MTUS2: variants seen among roughly 807,000 people sequenced by gnomAD.
MTUS2 encodes the protein microtubule associated scaffold protein 2.
Under a neutral mutation model 114.1 loss-of-function variants are expected in MTUS2, and 40 were observed. The ratio of observed to expected loss-of-function variants is 0.35; its 90% CI spans 0.27 to 0.46. MTUS2 has a LOEUF of 0.46. Ranked by LOEUF, MTUS2 falls within the 20% of genes least tolerant of loss-of-function variation. The probability of loss-of-function intolerance (pLI) is 1.00; values close to 1 mark genes in which losing one functional copy is unlikely to be tolerated. For missense variants in MTUS2, 1,679 were observed against 1,705.4 expected (o/e 0.98, Z 0.27); for synonymous variants, 688 against 672.0 (o/e 1.02, Z -0.37).
At chr13:29,246,743 A>G (rs576033803) in intron 5 of MTUS2, among the ~76,000 whole-genome samples, 1 of 152,344 alleles carries the variant, frequency 6.6e-6, no homozygotes, top group Admixed American at 6.5e-5. Context: ...GATGCTGTCA[A>G]AAGAAATAAC....
intron 9 of MTUS2, among the ~76,000 whole-genome samples, chr13:29,441,317 T>C (rs1365134717): frequency 6.6e-6 from 1 of 152,152 alleles, no homozygotes; most frequent in Non-Finnish European, 1.5e-5. Context: ...ATATGTGACC[T>C]GGCTGGAAAG....
At chr13:28,966,245 T>C (rs1883577286) in intron 2 of MTUS2, among the ~76,000 whole-genome samples, 1 of 152,050 alleles carries the variant, frequency 6.6e-6, no homozygotes, top group South Asian at 2.1e-4. Context: ...GCAAAAAAAA[T>C]GATTAATTCC....
At chr13:29,221,186 C>T (rs1485774351) in intron 5 of MTUS2, among the ~76,000 whole-genome samples, 2 of 152,132 alleles carry the variant, frequency 1.3e-5, no homozygotes, top group East Asian at 3.9e-4. Flanking sequence ...TGAGAAAATC[C>T]CTCAAAACGT....
chr13:29,026,660 C>T lies in MTUS2; in HGVS notation c.1962C>T (p.Ala654=), dbSNP rs1886567359. Residue 654 remains alanine (A), a synonymous_variant, in exon 3 of 16, where the codon GCC becomes GCT. Coordinates refer to ENST00000612955, the MANE Select transcript of MTUS2 (RefSeq NM_001033602.4). ...CCTACATCAGGAGGAATCCCCAGGCCCTGGGCCAGGTGGACGCCTCGCTGG... is the reference window on the plus strand; with the variant it reads ...CCTACATCAGGAGGAATCCCCAGGCTCTGGGCCAGGTGGACGCCTCGCTGG... ...IITYIRRNPQ[A]LGQVDASLVP... 2 of 1,613,890 alleles carry T rather than the reference C, an allele frequency of 1.2e-6. No individual in the cohort carries two copies. Among genetic ancestry groups the T allele is most frequent in the South Asian group, 1.1e-5 (1 of 91,082 alleles).
chr13:29,002,408 A>G lies in MTUS2; in HGVS notation c.-242-22049A>G, dbSNP rs138277352. 2.1e-3 allele frequency among the ~76,000 whole-genome samples: 325 copies of G among 152,332 alleles called. 1 individual carries two copies. The highest frequency in any genetic ancestry group is 7.3e-3 in the African/African-American group (304 of 41,558). On this transcript the variant is annotated intron_variant, in intron 2 of 15. Transcript: ENST00000612955. The stretch of plus-strand genomic sequence containing the variant: ...GCTTATACCACAATTGATACACTAT[A>G]TACCCATATATACTATATACTATAT...
chr13:29,400,173 C>T (rs1433147513), intron 8 of MTUS2, among the ~76,000 whole-genome samples: 3 of 152,110 alleles, frequency 2.0e-5, no homozygotes, highest in Non-Finnish European at 4.4e-5. Context: ...TAAAGATTTA[C>T]CCACCCACAC....
intron 8 of MTUS2, among the ~76,000 whole-genome samples, chr13:29,378,511 G>A (rs117785220): frequency 1.1e-3 from 164 of 152,208 alleles, no homozygotes; most frequent in African/African-American, 3.7e-3. Context: ...TGCCCCCTCT[G>A]ACTTGGCCAG....
chr13:29,187,959 C>A (rs1229556691), intron 5 of MTUS2, among the ~76,000 whole-genome samples: 1 of 152,182 alleles, frequency 6.6e-6, no homozygotes, highest in Non-Finnish European at 1.5e-5. Flanking sequence ...AAGTTCTTGA[C>A]GGCAGATATC....
chr13:28,936,518 C>T (rs1034625364), intron 2 of MTUS2, among the ~76,000 whole-genome samples: 5 of 151,952 alleles, frequency 3.3e-5, no homozygotes, highest in Non-Finnish European at 7.4e-5. Context: ...TTGGTGAGCT[C>T]GTTGGATGGG....
At chr13:29,086,897 G>A (rs1001625454) in intron 4 of MTUS2, among the ~76,000 whole-genome samples, 1 of 151,908 alleles carries the variant, frequency 6.6e-6, no homozygotes, top group Admixed American at 6.6e-5. Flanking sequence ...TCTTGATTTG[G>A]TTCTTAGCTC....
chr13:28,835,154 T>C (rs1240898048), intron 1 of MTUS2, among the ~76,000 whole-genome samples: 1 of 152,198 alleles, frequency 6.6e-6, no homozygotes. Flanking sequence ...CCAGAAACTC[T>C]CTTCCTAAGT....
intron 2 of MTUS2, among the ~76,000 whole-genome samples, chr13:28,960,869 A>G (rs1883295513): frequency 6.6e-6 from 1 of 152,208 alleles, no homozygotes; most frequent in Admixed American, 6.5e-5. Flanking sequence ...TTATATCTCA[A>G]TAAATATACA....
intron 5 of MTUS2, among the ~76,000 whole-genome samples, chr13:29,129,377 G>A (rs752210419): frequency 6.6e-6 from 1 of 152,024 alleles, no homozygotes; most frequent in African/African-American, 2.4e-5. Context: ...GCTCATGATG[G>A]CAACCTTTCC....
chr13:29,024,139 G>A (rs992657093), intron 2 of MTUS2, among the ~76,000 whole-genome samples: 3 of 152,062 alleles, frequency 2.0e-5, no homozygotes, highest in African/African-American at 7.2e-5. Context: ...TTCTACATTC[G>A]TTGATATTCT....
intron 2 of MTUS2, among the ~76,000 whole-genome samples, chr13:28,868,940 T>TTG (rs1729221899): frequency 6.6e-6 from 1 of 152,170 alleles, no homozygotes; most frequent in African/African-American, 2.4e-5. Flanking sequence ...ATTCCATGGC[T>TTG]TGTGTGTGTG....
intron 2 of MTUS2, among the ~76,000 whole-genome samples, chr13:28,958,105 A>G (rs1300553620): frequency 2.6e-5 from 4 of 152,198 alleles, no homozygotes; most frequent in Non-Finnish European, 5.9e-5. Context: ...TCTAACAGTA[A>G]TAAAGTAAGA....
intron 7 of MTUS2, among the ~76,000 whole-genome samples, chr13:29,331,363 A>G (rs556870271): frequency 9.8e-5 from 15 of 152,312 alleles, no homozygotes; most frequent in Non-Finnish European, 1.9e-4. Context: ...TTCTAAATAT[A>G]TAATCATGTA....
intron 6 of MTUS2, among the ~76,000 whole-genome samples, chr13:29,298,897 C>T (rs1023851607): frequency 1.6e-4 from 24 of 152,314 alleles, no homozygotes; most frequent in African/African-American, 5.3e-4. Context: ...TTAGGCTGCA[C>T]TGGTATCTTC....
intron 2 of MTUS2, 115 bp downstream of exon 2, chr13:28,839,965 T>G (rs904960991): frequency 6.6e-6 from 1 of 151,790 alleles, no homozygotes; most frequent in Non-Finnish European, 1.5e-5. Flanking sequence ...GTGGTAGTTT[T>G]TTTTTTTTTT....
Sources: gnomAD v4.1 joint callset for allele counts (sites outside exome capture counted in the v4.1 genomes callset) on GRCh38, gnomAD v4.1.1 for gene constraint, MANE v1.5 for transcripts, NCBI Gene and HGNC (gene_info 2026-07-23, HGNC 2026-07-21) for gene names.